The following ACTR3 variants were observed in gnomAD, a reference collection of about 807,000 sequenced individuals.
The protein encoded by ACTR3 is actin-related protein 3.
In ACTR3, 12 loss-of-function variants were observed where a neutral mutation model predicts 56.8. The ratio of observed to expected loss-of-function variants is 0.21; its 90% CI spans 0.14 to 0.34. The LOEUF (loss-of-function observed/expected upper bound fraction) is 0.34. Among genes scored for constraint, ACTR3 ranks in the 10% least tolerant of loss-of-function variants. The pLI is 1.00. For missense variants in ACTR3, 282 were observed against 512.5 expected (o/e 0.55, Z 4.34); for synonymous variants, 162 against 167.4 (o/e 0.97, Z 0.25).
intron 3 of ACTR3, among the ~76,000 whole-genome samples, chr2:113,923,662 C>G (rs775653810): frequency 9.2e-5 from 14 of 151,740 alleles, no homozygotes; most frequent in Admixed American, 2.0e-4. Flanking sequence ...TTTGTTGTTT[C>G]TATTGTCACT....
Position 113,961,018 on chromosome 2 carries a change from A to G in ACTR3, c.*3563A>G, listed in dbSNP as rs776134360. 3.3e-5 allele frequency: 5 copies of G among 152,044 alleles called. No homozygotes were observed. The highest frequency in any genetic ancestry group is 7.4e-5 in the Non-Finnish European group (5 of 67,918). The allele number at this position is 152,044 out of a possible 1,614,324, so 9.4% of individuals were successfully genotyped here. A position where few individuals can be genotyped will look rare whatever the true frequency, so the allele number is the denominator to read the frequency against. The stretch of plus-strand genomic sequence containing the variant: ...AATACCTTGTTCTTGTATTAGGTCT[A>G]TATCCTGAATTGACCTTTAGCAAGA... On this transcript the variant is annotated 3_prime_UTR_variant, in exon 12 of 12. Coordinates refer to ENST00000263238, the MANE Select transcript of ACTR3 (RefSeq NM_005721.5).
chr2:113,927,343 A>T lies in ACTR3; in HGVS notation c.226-2A>T, dbSNP rs1231055916. On this transcript the variant is annotated splice_acceptor_variant, in intron 3 of 11. Coordinates refer to ENST00000263238, the MANE Select transcript of ACTR3 (RefSeq NM_005721.5). LOFTEE classifies it high-confidence loss of function. ...TTTGTATTTCCCTTTTTGTTTTAATAGTGGCCAATCCGCCATGGTATAGTT... is the reference window on the plus strand; with the variant it reads ...TTTGTATTTCCCTTTTTGTTTTAATTGTGGCCAATCCGCCATGGTATAGTT... The T allele has an allele frequency of 6.5e-7, 1 of 1,539,128 alleles. No homozygotes were observed. Among genetic ancestry groups the T allele is most frequent in the Non-Finnish European group, 8.7e-7 (1 of 1,145,076 alleles).
intron 10 of ACTR3, chr2:113,953,623 T>C (rs1680158848): frequency 6.6e-6 from 1 of 152,216 alleles, no homozygotes; most frequent in Non-Finnish European, 1.5e-5. Flanking sequence ...GTCTGTAATT[T>C]TTAATGGCAA....
At chr2:113,939,124 C>T (rs939984013) in intron 6 of ACTR3, among the ~76,000 whole-genome samples, 1 of 151,518 alleles carries the variant, frequency 6.6e-6, no homozygotes, top group African/African-American at 2.4e-5. Flanking sequence ...CCCGGGTTCA[C>T]GCCATTCTCC....
At chr2:113,896,178 T>G (rs537002740) in intron 1 of ACTR3, among the ~76,000 whole-genome samples, 107 of 152,314 alleles carry the variant, frequency 7.0e-4, no homozygotes, top group Non-Finnish European at 1.1e-3. Context: ...TTTTGTTCTG[T>G]TTTTTGATAA....
intron 6 of ACTR3, among the ~76,000 whole-genome samples, chr2:113,939,264 C>T (rs570153560): frequency 2.1e-4 from 32 of 152,108 alleles, no homozygotes; most frequent in African/African-American, 5.5e-4. Flanking sequence ...CCTCGTGATC[C>T]GCCCGTCTCG....
intron 1 of ACTR3, among the ~76,000 whole-genome samples, chr2:113,893,331 G>A: frequency 6.6e-6 from 1 of 151,688 alleles, no homozygotes; most frequent in South Asian, 2.1e-4. Context: ...GTCTTGCCCT[G>A]TCGCTGGGCT....
At chr2:113,925,062 G>C (rs1167934587) in intron 3 of ACTR3, among the ~76,000 whole-genome samples, 1 of 151,246 alleles carries the variant, frequency 6.6e-6, no homozygotes, top group Non-Finnish European at 1.5e-5. Flanking sequence ...ATGCCTGACT[G>C]ATTTTTGTAT....
chr2:113,942,354 C>T lies in ACTR3; in HGVS notation c.853C>T (p.Pro285Ser). 1 of 1,563,356 alleles carries T rather than the reference C, an allele frequency of 6.4e-7. No individual in the cohort carries two copies. Residue 285 changes from proline (P) to serine (S), a missense_variant, in exon 8 of 12, where the codon CCA becomes TCA. By Grantham distance (74) the Pro-to-Ser change is moderately conservative. Transcript: ENST00000263238. ...TTTGGGACCTGAAATCTTTTTTCAT[C>T]CAGAGGTAATTTTTTTTAACGGAAT... Reference protein sequence around the residue: ...RFLGPEIFFHPEFANPDFTQP... With the variant: ...RFLGPEIFFHSEFANPDFTQP...
chr2:113,951,374 TC>T (rs1680118057), intron 8 of ACTR3, 104 bp from the exon 9 acceptor site: 1 of 692,848 alleles, frequency 1.4e-6, no homozygotes, highest in Non-Finnish European at 2.5e-6. Flanking sequence ...ATTAGTGGTT[TC>T]TAAAAGGCCT....
chr2:113,931,313 T>C lies in ACTR3; in HGVS notation c.349T>C (p.Leu117=). The C allele has an allele frequency of 6.3e-7, 1 of 1,575,036 alleles. No individual in the cohort carries two copies. Among genetic ancestry groups the C allele is most frequent in the South Asian group, 1.2e-5 (1 of 84,212 alleles). Residue 117 remains leucine (L), a synonymous_variant, in exon 5 of 12, where the codon TTG becomes CTG. Coordinates refer to ENST00000263238, the MANE Select transcript of ACTR3 (RefSeq NM_005721.5). ...TTTATTTCAATAGACTGAACCTCCA[T>C]TGAATACTCCAGAAAACAGGGAATA... ...DHYFLLTEPP[L]NTPENREYTA...
At chr2:113,890,077 C>T, upstream of ACTR3, 5 of 625,174 alleles carry the variant, frequency 8.0e-6, no homozygotes, top group Non-Finnish European at 1.4e-5. Context: ...CGGGGACTGC[C>T]TGCCTGCCTG....
intron 1 of ACTR3, among the ~76,000 whole-genome samples, chr2:113,909,595 A>T (rs1303017399): frequency 6.6e-6 from 1 of 150,946 alleles, no homozygotes; most frequent in East Asian, 2.0e-4. Context: ...TTAAGTTGTG[A>T]TAAAAGTTTT....
At chr2:113,919,240 A>G (rs1004321516) in intron 3 of ACTR3, among the ~76,000 whole-genome samples, 1 of 152,134 alleles carries the variant, frequency 6.6e-6, no homozygotes, top group Admixed American at 6.5e-5. Flanking sequence ...TCATTGCTTA[A>G]ATTTCTTTGA....
rs1054211996 is a variant in ACTR3 at position 113,957,300 on chromosome 2, A to G, written c.1162-60A>G. 4 of 1,248,872 alleles carry G rather than the reference A, an allele frequency of 3.2e-6. No homozygotes were observed. The African/African-American group carries it at 5.9e-5, about 19-fold the overall frequency. The allele number at this position is 1,248,872 out of a possible 1,614,324, so 77.4% of individuals were successfully genotyped here. A position where few individuals can be genotyped will look rare whatever the true frequency, so the allele number is the denominator to read the frequency against. ...AGCATCACTCTTAAAGTTTATTTCAATATACCTTCAAGATGGTAGATTTTT... is the reference window on the plus strand; with the variant it reads ...AGCATCACTCTTAAAGTTTATTTCAGTATACCTTCAAGATGGTAGATTTTT... On this transcript the variant is annotated intron_variant, in intron 11 of 11. Coordinates refer to ENST00000263238, the MANE Select transcript of ACTR3 (RefSeq NM_005721.5).
rs1387502769 is a variant in ACTR3, at chr2:113,959,461, A to G, written c.*2006A>G. The G allele has an allele frequency of 2.0e-5, 3 of 152,064 alleles. No homozygotes were observed. Among genetic ancestry groups the G allele is most frequent in the Non-Finnish European group, 2.9e-5 (2 of 67,932 alleles). 9.4% of individuals were successfully genotyped at this position (152,064 alleles called of 1,614,324 possible). A position where few individuals can be genotyped will look rare whatever the true frequency, so the allele number is the denominator to read the frequency against. On this transcript the variant is annotated 3_prime_UTR_variant, in exon 12 of 12. Coordinates refer to ENST00000263238, the MANE Select transcript of ACTR3 (RefSeq NM_005721.5). ...GCTAGAAAGACATGTTTATAAAGCT[A>G]TTTGATGACAATCTCAGGCATATTT...
chr2:113,944,622 C>G (rs148837303), intron 8 of ACTR3, among the ~76,000 whole-genome samples: 11 of 130,534 alleles, frequency 8.4e-5, no homozygotes, highest in African/African-American at 2.5e-4. Context: ...ATTAGCTGGG[C>G]GTGGTGGTGG....
chr2:113,943,545 T>C (rs1235678513), intron 8 of ACTR3, among the ~76,000 whole-genome samples: 1 of 152,192 alleles, frequency 6.6e-6, no homozygotes, highest in East Asian at 1.9e-4. Context: ...GTGAATTGTG[T>C]TGGAAATAGG....
intron 3 of ACTR3, among the ~76,000 whole-genome samples, chr2:113,923,201 T>C (rs889973141): frequency 5.3e-5 from 8 of 152,220 alleles, no homozygotes; most frequent in Admixed American, 2.6e-4. Context: ...TCTTAGTGAG[T>C]CTCAAGATAT....
Sources: gnomAD v4.1 joint callset for allele counts (sites outside exome capture counted in the v4.1 genomes callset) on GRCh38, gnomAD v4.1.1 for gene constraint, MANE v1.5 for transcripts, NCBI Gene and HGNC (gene_info 2026-07-23, HGNC 2026-07-21) for gene names.